Variants in NODAL observed in about 807,000 individuals in gnomAD.
NODAL encodes nodal growth differentiation factor.
A neutral mutation model predicts 34.0 loss-of-function variants in NODAL; 12 were observed. The observed-to-expected ratio is 0.35, with a 90% confidence interval of 0.23 to 0.57. NODAL has a LOEUF of 0.57. Ranked by LOEUF, NODAL falls within the 20% of genes least tolerant of loss-of-function variation. NODAL has a pLI of 0.83. For synonymous variants in NODAL, 162 were observed against 186.4 expected, an observed-to-expected ratio of 0.87 and a Z score of 1.07; for missense variants, 390 against 444.2, an observed-to-expected ratio of 0.88 and a Z score of 1.10.
chr10:70,435,959 C>A lies in NODAL; in HGVS notation c.218G>T (p.Trp73Leu), dbSNP rs1323418445. The change falls in exon 2 of 3, where the codon TGG becomes TTG. Residue 73 changes from tryptophan to leucine, a missense_variant. Transcript: ENST00000287139. ...GAAGGAGAAGTCAAAAGCAAACGTC[C>A]AGTTCTGCCCATCCACTGCCACATC... ...AEDVAVDGQN[W>L]TFAFDFSFLS... 2 of 1,614,042 alleles carry A rather than the reference C, an allele frequency of 1.2e-6. No homozygotes were observed. The highest frequency in any genetic ancestry group is 4.5e-5 in the East Asian group (2 of 44,896).
intron 2 of NODAL, chr10:70,435,025 A>C (rs1223625394): frequency 4.2e-6 from 2 of 473,110 alleles, no homozygotes; most frequent in Non-Finnish European, 7.7e-6. Context: ...CCCACCCCCT[A>C]ATTTTATGAA....
chr10:70,433,107 G>A lies in NODAL; in HGVS notation c.892-19C>T. On this transcript the variant is annotated intron_variant, in intron 2 of 2. Transcript: ENST00000287139. ...GCAGACTCTGTAAAGGAAAGGAAGG[G>A]TGTGTCAATTCACATCCTGATGGGC... 1.2e-6 allele frequency: 2 copies of A among 1,613,420 alleles called. No individual in the cohort carries two copies. Among genetic ancestry groups the A allele is most frequent in the Non-Finnish European group, 1.7e-6 (2 of 1,179,886 alleles).
At position 70,435,322 on chromosome 10, in the gene NODAL, C is replaced by T. The variant is rs1845330517; in HGVS notation, c.855G>A (p.Gly285=). 2 of 1,613,458 alleles carry T rather than the reference C, an allele frequency of 1.2e-6. No homozygotes were observed. The highest frequency in any genetic ancestry group is 1.7e-6 in the Non-Finnish European group (2 of 1,179,774). ...CATGGTTGGTCGGATGAAACTCCTCCCCAACAGGATTAGGACACTCGCCCT... is the reference window on the plus strand; with the variant it reads ...CATGGTTGGTCGGATGAAACTCCTCTCCAACAGGATTAGGACACTCGCCCT... ...RCEGECPNPV[G]EEFHPTNHAY... is the part of the protein sequence containing the mutation. Residue 285 remains glycine, a synonymous_variant, in exon 2 of 3, where the codon GGG becomes GGA. Transcript: ENST00000287139.
In NODAL at chr10:70,432,906, AG is replaced by A. The variant is rs1263867992; in HGVS notation, c.*29del. ...GGAGTTTCCCAGCCTTCCAGAGTGCAGGCAAATCCAGTCTCCCTCCAGGATG... is the reference window on the plus strand; with the variant it reads ...GGAGTTTCCCAGCCTTCCAGAGTGCAGCAAATCCAGTCTCCCTCCAGGATG... On this transcript the variant is annotated 3_prime_UTR_variant, in exon 3 of 3. Transcript: ENST00000287139. 3.1e-6 allele frequency: 5 copies of A among 1,613,326 alleles called. No homozygotes were observed. The South Asian group carries it at 4.4e-5, about 14-fold the overall frequency.
intron 1 of NODAL, among the ~76,000 whole-genome samples, chr10:70,437,148 G>T (rs1845366907): frequency 6.6e-6 from 1 of 152,198 alleles, no homozygotes; most frequent in Non-Finnish European, 1.5e-5. Context: ...ATTTTCAGGT[G>T]ACTTAATAGT....
chr10:70,443,665 C>G (rs10823541), upstream of NODAL, among the ~76,000 whole-genome samples: 67,198 of 151,664 alleles, frequency 0.44, 15,836 homozygotes, highest in East Asian at 0.66. Context: ...CATGGAGAAA[C>G]CCTGTCTCTA....
At chr10:70,447,406 C>A (rs138798244) in intron 1 of NODAL, among the ~76,000 whole-genome samples, 1 of 151,984 alleles carries the variant, frequency 6.6e-6, no homozygotes, top group Non-Finnish European at 1.5e-5. Context: ...AGCATCAGGG[C>A]GGGGTGTGGT....
upstream of NODAL, among the ~76,000 whole-genome samples, chr10:70,444,744 C>T (rs1188434547): frequency 1.3e-5 from 2 of 152,190 alleles, no homozygotes; most frequent in Non-Finnish European, 1.5e-5. Context: ...AGAGATTACT[C>T]CTCCCATGTA....
At chr10:70,443,700 G>A (rs917223422), upstream of NODAL, among the ~76,000 whole-genome samples, 3 of 151,880 alleles carry the variant, frequency 2.0e-5, no homozygotes, top group Non-Finnish European at 2.9e-5. Context: ...TTAGCTGGGC[G>A]TGGTGGCACA....
chr10:70,441,364 C>T, intron 1 of NODAL, 111 bp downstream of exon 1: 2 of 1,280,816 alleles, frequency 1.6e-6, no homozygotes, highest in South Asian at 1.4e-5. Flanking sequence ...GGCTGCAAAC[C>T]CGGCTCGGAG....
Position 70,432,562 on chromosome 10 carries a change from A to C in NODAL, c.*374T>G. Reference sequence around the variant, plus strand: ...TGAAAGCTATAGGTGACTTCATCCCACCTCCAAAATACATGCACATATGTC... The same window carrying C: ...TGAAAGCTATAGGTGACTTCATCCCCCCTCCAAAATACATGCACATATGTC... On this transcript the variant is annotated 3_prime_UTR_variant, in exon 3 of 3. Coordinates refer to ENST00000287139, the MANE Select transcript of NODAL (RefSeq NM_018055.5). The C allele has an allele frequency of 2.9e-6, 1 of 344,848 alleles. No homozygotes were observed. The allele number at this position is 344,848 out of a possible 1,614,324, so 21.4% of individuals were successfully genotyped here.
chr10:70,440,121 G>C (rs1284797077), intron 1 of NODAL, among the ~76,000 whole-genome samples: 3 of 152,160 alleles, frequency 2.0e-5, no homozygotes, highest in Non-Finnish European at 4.4e-5. Flanking sequence ...AAAGAGAGCA[G>C]TCTCCTAATT....
intron 2 of NODAL, 186 bp downstream of exon 2, chr10:70,435,100 C>A (rs1263899344): frequency 2.6e-5 from 16 of 616,176 alleles, no homozygotes; most frequent in Non-Finnish European, 4.6e-5. Flanking sequence ...TGACCCCATA[C>A]AGGCTCTATA....
chr10:70,434,065 A>G (rs1218699652), intron 2 of NODAL, among the ~76,000 whole-genome samples: 1 of 152,128 alleles, frequency 6.6e-6, no homozygotes, highest in East Asian at 1.9e-4. Flanking sequence ...ACCTCAGCCC[A>G]TGTGCTCATG....
At chr10:70,438,824 T>C (rs189870995) in intron 1 of NODAL, among the ~76,000 whole-genome samples, 60 of 152,316 alleles carry the variant, frequency 3.9e-4, no homozygotes, top group Non-Finnish European at 7.2e-4. Flanking sequence ...GGTTCTAATA[T>C]TGTGGGTGTC....
intron 2 of NODAL, 96 bp downstream of exon 2, chr10:70,435,190 T>A: frequency 9.0e-7 from 1 of 1,110,022 alleles, no homozygotes; most frequent in Non-Finnish European, 1.3e-6. Flanking sequence ...TGAGTAACTG[T>A]GAATACAGGA....
At chr10:70,439,942 C>A (rs1845407851) in intron 1 of NODAL, among the ~76,000 whole-genome samples, 1 of 152,184 alleles carries the variant, frequency 6.6e-6, no homozygotes, top group African/African-American at 2.4e-5. Flanking sequence ...CGCAGTGGCG[C>A]GCGCCTGTAG....
upstream of NODAL, among the ~76,000 whole-genome samples, chr10:70,443,734 G>A (rs1246842307): frequency 6.6e-6 from 1 of 151,892 alleles, no homozygotes; most frequent in African/African-American, 2.4e-5. Flanking sequence ...AGCTACTCGG[G>A]AGGCTGAGGC....
Position 70,435,341 on chromosome 10 carries a change from T to G in NODAL, c.836A>C (p.Glu279Ala), listed in dbSNP as rs193203393. The G allele has an allele frequency of 1.2e-6, 2 of 1,614,034 alleles. No homozygotes were observed. Among genetic ancestry groups the G allele is most frequent in the East Asian group, 4.5e-5 (2 of 44,880 alleles). Residue 279 changes from glutamate to alanine, a missense_variant, in exon 2 of 3, where the codon GAG becomes GCG. Transcript: ENST00000287139. The stretch of plus-strand genomic sequence containing the variant: ...CTCCTCCCCAACAGGATTAGGACAC[T>G]CGCCCTCACAGCGATAGGCGTTGTA... ...KQYNAYRCEG[E>A]CPNPVGEEFH...
Sources: allele counts gnomAD v4.1 joint callset (sites outside exome capture counted in the v4.1 genomes callset), GRCh38; gene constraint gnomAD v4.1.1; transcripts MANE v1.5; gene names NCBI Gene and HGNC (gene_info 2026-07-23, HGNC 2026-07-21).